ZBTB7C: variants seen among roughly 807,000 people sequenced by gnomAD.
ZBTB7C encodes zinc finger and BTB domain-containing protein 7C.
A neutral mutation model predicts 25.7 loss-of-function variants in ZBTB7C; 8 were observed. The observed-to-expected ratio is 0.31, with a 90% CI of 0.18 to 0.56. The LOEUF (loss-of-function observed/expected upper bound fraction) is 0.56, where lower values mean the gene tolerates loss of function less well. Ranked by LOEUF, ZBTB7C falls within the 20% of genes least tolerant of loss-of-function variation. The pLI, the probability that ZBTB7C is intolerant of heterozygous loss-of-function variation, is 0.91. For synonymous variants in ZBTB7C, 394 were observed against 369.0 expected (o/e 1.07, Z -0.78); for missense variants, 824 against 855.2 (o/e 0.96, Z 0.46).
At chr18:48,207,898 T>C (rs1435612585) in intron 2 of ZBTB7C, among the ~76,000 whole-genome samples, 1 of 152,102 alleles carries the variant, frequency 6.6e-6, no homozygotes, top group African/African-American at 2.4e-5. Context: ...GACGGAGGTT[T>C]AAGAGGGAGC....
At chr18:48,087,598 A>G (rs1039988339) in intron 3 of ZBTB7C, 1 of 152,074 alleles carries the variant, frequency 6.6e-6, no homozygotes. Context: ...CAACCGGTGC[A>G]ATAAAGCACA....
chr18:48,045,037 C>T (rs2036413668), intron 3 of ZBTB7C, among the ~76,000 whole-genome samples: 1 of 152,230 alleles, frequency 6.6e-6, no homozygotes, highest in Non-Finnish European at 1.5e-5. Context: ...ACAAAAGTAA[C>T]CAAGAAAGGA....
At chr18:48,264,349 C>A (rs751076229) in intron 2 of ZBTB7C, among the ~76,000 whole-genome samples, 1 of 151,916 alleles carries the variant, frequency 6.6e-6, no homozygotes, top group Non-Finnish European at 1.5e-5. Flanking sequence ...CAGAGAGAAA[C>A]AAAGAAAGGA....
chr18:48,323,000 G>T (rs1365377134), intron 2 of ZBTB7C, among the ~76,000 whole-genome samples: 1 of 152,202 alleles, frequency 6.6e-6, no homozygotes, highest in Non-Finnish European at 1.5e-5. Flanking sequence ...TAAGCTGTGA[G>T]GATGCAAAGG....
chr18:48,294,931 G>A (rs1270817544), intron 2 of ZBTB7C, among the ~76,000 whole-genome samples: 1 of 152,134 alleles, frequency 6.6e-6, no homozygotes, highest in Non-Finnish European at 1.5e-5. Context: ...TAGGAACCGT[G>A]AGCTCTGATT....
At chr18:48,370,260 C>G (rs2047355095) in intron 1 of ZBTB7C, among the ~76,000 whole-genome samples, 1 of 152,138 alleles carries the variant, frequency 6.6e-6, no homozygotes, top group Non-Finnish European at 1.5e-5. Flanking sequence ...ACTATTGATA[C>G]ATGCATCAAC....
intron 2 of ZBTB7C, among the ~76,000 whole-genome samples, chr18:48,288,651 C>T (rs969809775): frequency 6.6e-6 from 1 of 152,056 alleles, no homozygotes. Context: ...AGTGAAACTC[C>T]GTCTCTAAAT....
At chr18:48,085,864 C>T (rs1354872078) in intron 3 of ZBTB7C, among the ~76,000 whole-genome samples, 2 of 152,170 alleles carry the variant, frequency 1.3e-5, no homozygotes, top group Non-Finnish European at 2.9e-5. Context: ...GCAGCAGATT[C>T]AGTGACTGTG....
intron 2 of ZBTB7C, among the ~76,000 whole-genome samples, chr18:48,225,416 G>C (rs569695074): frequency 6.6e-6 from 1 of 152,058 alleles, no homozygotes; most frequent in Non-Finnish European, 1.5e-5. Context: ...CAAGCACAGT[G>C]ACCCAAGACC....
chr18:48,341,017 G>A (rs2144971653), intron 1 of ZBTB7C, among the ~76,000 whole-genome samples: 1 of 152,210 alleles, frequency 6.6e-6, no homozygotes, highest in East Asian at 1.9e-4. Context: ...TGTTCCCAAG[G>A]GCCCCCTTCA....
intron 2 of ZBTB7C, among the ~76,000 whole-genome samples, chr18:48,260,375 G>A (rs1362119381): frequency 6.6e-6 from 1 of 152,160 alleles, no homozygotes; most frequent in Non-Finnish European, 1.5e-5. Flanking sequence ...TGATCACAAG[G>A]GGACACAGGA....
chr18:48,389,189 ACTCTCTCTCTCTCTCTCT>A lies in ZBTB7C; in HGVS notation c.-304+20019_-304+20036del, dbSNP rs757520664. On this transcript the variant is annotated intron_variant, in intron 1 of 4. Transcript: ENST00000590800. Reference sequence around the variant, plus strand: ...ATGGAGTGATGTTCAGAGCCCTTTAACTCTCTCTCTCTCTCTCTCTCTCTCTCTCTCTCTCTCTCTCTC... The same window carrying A: ...ATGGAGTGATGTTCAGAGCCCTTTAACTCTCTCTCTCTCTCTCTCTCTCTC... Among the ~76,000 whole-genome samples the A allele has an allele frequency of 9.2e-3, 588 of 64,084 alleles. 2 individuals are homozygous for A. Among genetic ancestry groups the A allele is most frequent in the Middle Eastern group, 0.065 (6 of 92 alleles). The allele number at this position is 64,084 out of a possible 152,430, so 42.0% of individuals were successfully genotyped here.
At chr18:48,323,057 GA>G (rs1665484285) in intron 2 of ZBTB7C, among the ~76,000 whole-genome samples, 1 of 152,176 alleles carries the variant, frequency 6.6e-6, no homozygotes, top group South Asian at 2.1e-4. Flanking sequence ...GAAAGGGTGG[GA>G]GGGGTGACAG....
intron 1 of ZBTB7C, among the ~76,000 whole-genome samples, chr18:48,386,235 C>A (rs979217593): frequency 6.6e-6 from 1 of 152,240 alleles, no homozygotes. Flanking sequence ...CTGGCCCCCA[C>A]AGCCCCCTGC....
chr18:48,369,337 A>C (rs2047332212), intron 1 of ZBTB7C, among the ~76,000 whole-genome samples: 1 of 152,186 alleles, frequency 6.6e-6, no homozygotes, highest in South Asian at 2.1e-4. Flanking sequence ...ATTCTAAAAA[A>C]TGTTTAAGTA....
intron 2 of ZBTB7C, among the ~76,000 whole-genome samples, chr18:48,256,438 C>G (rs1310304798): frequency 8.6e-6 from 1 of 115,962 alleles, no homozygotes; most frequent in Non-Finnish European, 1.8e-5. Context: ...CTTTCTAAAG[C>G]AAAGGTAAAA....
intron 3 of ZBTB7C, chr18:48,149,748 T>C (rs1442681014): frequency 6.6e-6 from 1 of 151,788 alleles, no homozygotes; most frequent in African/African-American, 2.4e-5. Context: ...ATAATCATAA[T>C]GGTGGCAAGC....
At chr18:48,130,617 C>T (rs1329641503) in intron 3 of ZBTB7C, among the ~76,000 whole-genome samples, 2 of 152,114 alleles carry the variant, frequency 1.3e-5, no homozygotes, top group African/African-American at 4.8e-5. Flanking sequence ...CTTAAAGGCT[C>T]TCTGAATCAT....
intron 2 of ZBTB7C, among the ~76,000 whole-genome samples, chr18:48,223,182 G>C (rs1268982709): frequency 6.6e-6 from 1 of 152,142 alleles, no homozygotes; most frequent in Non-Finnish European, 1.5e-5. Context: ...GTGGGAGATG[G>C]GCAAGGTGCA....
Sources: allele counts gnomAD v4.1 joint callset (sites outside exome capture counted in the v4.1 genomes callset), GRCh38; gene constraint gnomAD v4.1.1; transcripts MANE v1.5; gene names NCBI Gene and HGNC (gene_info 2026-07-23, HGNC 2026-07-21).